STX1A: variants seen among roughly 807,000 people sequenced by gnomAD.
STX1A encodes the protein syntaxin-1A.
In STX1A, 4 loss-of-function variants were observed where a neutral mutation model predicts 37.8. That is an observed-to-expected ratio of 0.11 (90% CI 0.05 to 0.24). The LOEUF is 0.24. STX1A is among the 10% of genes least tolerant of loss of function. The pLI, the probability that STX1A is intolerant of heterozygous loss-of-function variation, is 1.00. For synonymous variants in STX1A, 135 were observed against 147.4 expected, an observed-to-expected ratio of 0.92 and a Z score of 0.61; for missense variants, 251 against 399.9, an observed-to-expected ratio of 0.63 and a Z score of 3.18.
Position 73,707,709 on chromosome 7 carries a change from G to A in STX1A, c.208+880C>T, listed in dbSNP as rs529544925. Among the ~76,000 whole-genome samples, 259 of 152,202 alleles carry A rather than the reference G, an allele frequency of 1.7e-3. 1 individual carries two copies. Among genetic ancestry groups the A allele is most frequent in the African/African-American group, 5.7e-3 (237 of 41,524 alleles). On this transcript the variant is annotated intron_variant, in intron 3 of 9. Transcript: ENST00000222812. ...AGCACTTTGGGAGGCCGAGGCGGGC[G>A]GATCACCTGAGGTCGGGAGTTCGAG...
chr7:73,703,063 T>TG, intron 7 of STX1A, 81 bp from the exon 8 acceptor site: 1 of 377,638 alleles, frequency 2.6e-6, no homozygotes, highest in South Asian at 2.6e-5. Context: ...GCGTTTGGGG[T>TG]GGGCAGAGCT....
At chr7:73,712,956 C>T (rs1022768585) in intron 1 of STX1A, among the ~76,000 whole-genome samples, 8 of 152,174 alleles carry the variant, frequency 5.3e-5, no homozygotes, top group South Asian at 2.1e-4. Flanking sequence ...GGCCCATCCC[C>T]TCCCTCTTTC....
chr7:73,700,493 G>A lies in STX1A; in HGVS notation c.790-9C>T. 1.2e-6 allele frequency: 2 copies of A among 1,613,848 alleles called. No homozygotes were observed. Among genetic ancestry groups the A allele is most frequent in the Non-Finnish European group, 1.7e-6 (2 of 1,179,914 alleles). ...ATGATCATGATTTTCTTCTGCATGG[G>A]AAGCGGGCAGGAGAGGCCTCAGACA... On this transcript the variant is annotated splice_polypyrimidine_tract_variant and intron_variant, in intron 9 of 9. Coordinates refer to ENST00000222812, the MANE Select transcript of STX1A (RefSeq NM_004603.4). This position sits in a 1 kb window ranked among gnomAD's most constrained non-coding sequence, Gnocchi z 4.4.
intron 6 of STX1A, 113 bp from the exon 7 acceptor site, chr7:73,703,941 C>T: frequency 7.8e-7 from 1 of 1,289,462 alleles, no homozygotes; most frequent in Admixed American, 2.5e-5. Flanking sequence ...CCGAGCTCAG[C>T]GGCAGCCTCA....
intron 8 of STX1A, chr7:73,701,178 GGA>G (rs1798639808): frequency 1.7e-6 from 1 of 573,530 alleles, no homozygotes; most frequent in East Asian, 2.8e-5. Flanking sequence ...TGGGTATGCT[GGA>G]GTCTGGTCCT....
intron 6 of STX1A, 82 bp from the exon 7 acceptor site, chr7:73,703,910 A>G (rs1435947070): frequency 7.6e-7 from 1 of 1,320,336 alleles, no homozygotes. Context: ...CCTCCGTCCC[A>G]GGCCCGGGCT....
chr7:73,708,920 C>A, intron 2 of STX1A, 125 bp downstream of exon 2: 1 of 1,109,216 alleles, frequency 9.0e-7, no homozygotes, highest in Non-Finnish European at 1.4e-6. Flanking sequence ...ACGGTTCATT[C>A]GTTGGCACCC....
chr7:73,708,925 G>A, intron 2 of STX1A, 120 bp downstream of exon 2: 1 of 1,144,996 alleles, frequency 8.7e-7, no homozygotes, highest in South Asian at 1.3e-5. Flanking sequence ...TCATTCGTTG[G>A]CACCCCGGAG....
chr7:73,718,620 C>A (rs1012678117), intron 1 of STX1A, among the ~76,000 whole-genome samples: 1 of 151,970 alleles, frequency 6.6e-6, no homozygotes, highest in Admixed American at 6.6e-5. Flanking sequence ...GATCCACCCC[C>A]CCTCCCCGAC....
chr7:73,703,359 C>A (rs782474139), intron 7 of STX1A: 4 of 569,418 alleles, frequency 7.0e-6, no homozygotes, highest in South Asian at 6.1e-5. Flanking sequence ...TGCTCCTCCC[C>A]TCTCTCCTGG....
chr7:73,703,964 C>G (rs1186140892), intron 6 of STX1A, 136 bp from the exon 7 acceptor site: 254 of 1,062,050 alleles, frequency 2.4e-4, no homozygotes, highest in Non-Finnish European at 2.7e-4. Flanking sequence ...CCCCGCCCCC[C>G]CGGCCCTTAA....
chr7:73,707,662 G>A (rs1798924189), intron 3 of STX1A, among the ~76,000 whole-genome samples: 1 of 152,230 alleles, frequency 6.6e-6, no homozygotes, highest in Admixed American at 6.5e-5. Flanking sequence ...GGCTGGGCGT[G>A]GGGGCTCATG....
At chr7:73,707,723 C>T (rs1440877745) in intron 3 of STX1A, among the ~76,000 whole-genome samples, 4 of 149,430 alleles carry the variant, frequency 2.7e-5, no homozygotes, top group East Asian at 2.0e-4. Context: ...CACCTGAGGT[C>T]GGGAGTTCGA....
chr7:73,699,213 A>G lies in STX1A; in HGVS notation c.*1194T>C, dbSNP rs1350304669. The G allele has an allele frequency of 6.6e-6, 1 of 152,652 alleles. No individual in the cohort carries two copies. Among genetic ancestry groups the G allele is most frequent in the Non-Finnish European group, 1.5e-5 (1 of 68,040 alleles). The allele number at this position is 152,652 out of a possible 1,614,324, so 9.5% of individuals were successfully genotyped here. ...GAAATCTACAACAGAGGCCTGGTAC[A>G]GATACAAATGTTTATTCTACATAAA... On this transcript the variant is annotated 3_prime_UTR_variant, in exon 10 of 10. Coordinates refer to ENST00000222812, the MANE Select transcript of STX1A (RefSeq NM_004603.4).
rs1237552598 is a variant in STX1A at position 73,709,129 on chromosome 7, G to A, written c.31-7C>T. On this transcript the variant is annotated splice_region_variant and splice_polypyrimidine_tract_variant and intron_variant, in intron 1 of 9. Transcript: ENST00000222812. The surrounding 1 kb of genome is among the most constrained non-coding windows in gnomAD (Gnocchi z 4.2). ...CATCATCGCTGTCCTTGGCCTGTGC[G>A]GGGTTGTGCACACATAAGTGGACGT... is the stretch of plus-strand genomic sequence containing the variant. 49 of 1,611,988 alleles carry A rather than the reference G, an allele frequency of 3.0e-5. No homozygotes were observed. The highest frequency in any genetic ancestry group is 3.7e-5 in the Non-Finnish European group (44 of 1,179,934).
chr7:73,709,092 C>T lies in STX1A; in HGVS notation c.61G>A (p.Ala21Thr), dbSNP rs782653375. ...AKDSDDDDDV[A>T]VTVDRDRFMD... is the part of the protein sequence containing the mutation. ...AAGCGGTCTCGGTCCACGGTGACAG[C>T]GACATCATCATCATCATCGCTGTCC... The change falls in exon 2 of 10, where the codon GCT becomes ACT. Residue 21 changes from alanine (A) to threonine (T), a missense_variant. Coordinates refer to ENST00000222812, the MANE Select transcript of STX1A (RefSeq NM_004603.4). This position sits in a 1 kb window ranked among gnomAD's most constrained non-coding sequence, Gnocchi z 4.2. 23 of 1,613,738 alleles carry T rather than the reference C, an allele frequency of 1.4e-5. No individual in the cohort carries two copies. The highest frequency in any genetic ancestry group is 1.7e-5 in the Non-Finnish European group (20 of 1,180,000).
At chr7:73,708,108 C>T (rs1424047717) in intron 3 of STX1A, among the ~76,000 whole-genome samples, 1 of 150,294 alleles carries the variant, frequency 6.7e-6, no homozygotes, top group African/African-American at 2.4e-5. Context: ...TACTAAAATA[C>T]AAAAAATTAG....
At chr7:73,708,477 T>G (rs1163232913) in intron 3 of STX1A, 112 bp downstream of exon 3, 1 of 1,033,218 alleles carries the variant, frequency 9.7e-7, no homozygotes, top group African/African-American at 1.6e-5. Context: ...GCCCAGACAC[T>G]CCTAAGCCCA....
chr7:73,701,964 TAGA>T (rs1325116522), intron 8 of STX1A, among the ~76,000 whole-genome samples: 1 of 152,086 alleles, frequency 6.6e-6, no homozygotes, highest in African/African-American at 2.4e-5. Context: ...CCCTCCAATC[TAGA>T]AGAGACCGCA....
Sources: gnomAD v4.1 joint callset for allele counts (sites outside exome capture counted in the v4.1 genomes callset) on GRCh38, gnomAD v4.1.1 for gene constraint, Gnocchi (gnomAD v3.1) non-coding constraint, MANE v1.5 for transcripts, NCBI Gene and HGNC (gene_info 2026-07-23, HGNC 2026-07-21) for gene names.